VPS13B: variants seen among roughly 807,000 people sequenced by gnomAD.
The protein encoded by VPS13B is intermembrane lipid transfer protein VPS13B.
A neutral mutation model predicts 426.4 loss-of-function variants in VPS13B; 285 were observed. That is an observed-to-expected ratio of 0.67 (90% CI 0.61 to 0.74). VPS13B has a LOEUF of 0.74. Ranked by LOEUF, VPS13B falls within the 30% of genes least tolerant of loss-of-function variation. The pLI is 0.00. For missense variants in VPS13B, 4,537 were observed against 4,782.6 expected, an observed-to-expected ratio of 0.95 and a Z score of 1.51; for synonymous variants, 1,676 against 1,676.4, an observed-to-expected ratio of 1.00 and a Z score of 0.01.
chr8:99,232,662 T>G (rs1816403532), intron 17 of VPS13B, among the ~76,000 whole-genome samples: 1 of 152,158 alleles, frequency 6.6e-6, no homozygotes, highest in African/African-American at 2.4e-5. Flanking sequence ...TGTGCACACA[T>G]GTACAGAGAT....
chr8:99,303,747 A>AG (rs1486342611), intron 19 of VPS13B, among the ~76,000 whole-genome samples: 19 of 150,726 alleles, frequency 1.3e-4, no homozygotes, highest in Non-Finnish European at 1.3e-4. Context: ...AAAAAAAAAA[A>AG]AAAAGAATAT....
intron 19 of VPS13B, among the ~76,000 whole-genome samples, chr8:99,382,950 T>C (rs1222964615): frequency 6.6e-6 from 1 of 152,194 alleles, no homozygotes; most frequent in African/African-American, 2.4e-5. Flanking sequence ...ATATTTCCTA[T>C]ATGCTACGGG....
intron 2 of VPS13B, among the ~76,000 whole-genome samples, chr8:99,032,762 G>A (rs113459679): frequency 2.7e-5 from 4 of 150,796 alleles, no homozygotes; most frequent in Non-Finnish European, 3.0e-5. Context: ...GGATGGTCTC[G>A]ATCTCCTGAC....
intron 39 of VPS13B, among the ~76,000 whole-genome samples, chr8:99,726,515 G>A (rs985176549): frequency 6.6e-6 from 1 of 152,132 alleles, no homozygotes; most frequent in African/African-American, 2.4e-5. Flanking sequence ...TAGTAAAATT[G>A]GTAATGGGTA....
chr8:99,338,011 A>G (rs772702342), intron 19 of VPS13B, among the ~76,000 whole-genome samples: 8 of 152,252 alleles, frequency 5.3e-5, no homozygotes, highest in East Asian at 1.9e-4. Flanking sequence ...TAGACAACAT[A>G]TGCATGATTT....
chr8:99,433,381 G>T (rs900445440), intron 22 of VPS13B, among the ~76,000 whole-genome samples: 6 of 152,144 alleles, frequency 3.9e-5, no homozygotes, highest in African/African-American at 1.4e-4. Context: ...GACAGTAAAG[G>T]CCTGTTATAT....
chr8:99,301,813 G>C (rs557644788), intron 19 of VPS13B, among the ~76,000 whole-genome samples: 7 of 152,150 alleles, frequency 4.6e-5, no homozygotes, highest in African/African-American at 1.2e-4. Flanking sequence ...TTTAAATACA[G>C]ATGGGGTCTC....
intron 4 of VPS13B, among the ~76,000 whole-genome samples, chr8:99,099,866 TAAG>T (rs1846634091): frequency 6.6e-6 from 1 of 152,162 alleles, no homozygotes; most frequent in Non-Finnish European, 1.5e-5. Context: ...AGGTAGATAA[TAAG>T]AATTTCTGGA....
intron 44 of VPS13B, among the ~76,000 whole-genome samples, chr8:99,816,073 A>T (rs1203634697): frequency 6.9e-6 from 1 of 145,974 alleles, no homozygotes; most frequent in Non-Finnish European, 1.5e-5. Flanking sequence ...CTTGGCCTCT[A>T]CCAGGCCCCC....
chr8:99,701,780 A>G (rs1006704326), intron 36 of VPS13B, among the ~76,000 whole-genome samples: 4 of 152,188 alleles, frequency 2.6e-5, no homozygotes, highest in African/African-American at 9.6e-5. Context: ...TTATGAGACT[A>G]TAATGAACAC....
intron 34 of VPS13B, among the ~76,000 whole-genome samples, chr8:99,642,735 A>T (rs1336043275): frequency 6.6e-6 from 1 of 152,186 alleles, no homozygotes; most frequent in Non-Finnish European, 1.5e-5. Context: ...CCAGGAACTG[A>T]ATGAATCAGG....
chr8:99,301,299 C>CTTT (rs772725181), intron 19 of VPS13B, among the ~76,000 whole-genome samples: 4 of 141,742 alleles, frequency 2.8e-5, no homozygotes, highest in Admixed American at 1.4e-4. Flanking sequence ...TTCTTTCTTT[C>CTTT]TTTTTTTTTT....
At chr8:99,659,007 A>AT (rs1195524889) in intron 34 of VPS13B, among the ~76,000 whole-genome samples, 14 of 151,436 alleles carry the variant, frequency 9.2e-5, no homozygotes, top group East Asian at 1.9e-4. Flanking sequence ...ATTTTTTTGT[A>AT]TTTTTTTTGT....
At chr8:99,025,373 A>G (rs1321408745) in intron 2 of VPS13B, among the ~76,000 whole-genome samples, 7 of 152,138 alleles carry the variant, frequency 4.6e-5, no homozygotes, top group Admixed American at 3.9e-4. Flanking sequence ...CAGTTCTTAG[A>G]GGAAAAGCTT....
At chr8:99,208,363 T>C (rs1398604184) in intron 17 of VPS13B, among the ~76,000 whole-genome samples, 2 of 152,194 alleles carry the variant, frequency 1.3e-5, no homozygotes, top group Non-Finnish European at 2.9e-5. Context: ...TTAAGACTTC[T>C]TTTCTTTCTT....
intron 16 of VPS13B, among the ~76,000 whole-genome samples, chr8:99,176,053 CTG>C (rs1812611864): frequency 6.6e-6 from 1 of 152,092 alleles, no homozygotes. Flanking sequence ...TACAGTATGA[CTG>C]TGTATTGCAA....
chr8:99,173,632 C>A (rs1208555905), intron 16 of VPS13B, among the ~76,000 whole-genome samples: 1 of 152,146 alleles, frequency 6.6e-6, no homozygotes, highest in South Asian at 2.1e-4. Context: ...AACTACTAAG[C>A]CTTAAATGGG....
At chr8:99,769,968 G>A (rs928618071) in intron 40 of VPS13B, among the ~76,000 whole-genome samples, 2 of 152,058 alleles carry the variant, frequency 1.3e-5, no homozygotes, top group Admixed American at 1.3e-4. Context: ...AGACCAGACT[G>A]GGCAATAGTG....
chr8:99,636,598 A>G (rs1390618279), intron 33 of VPS13B, among the ~76,000 whole-genome samples: 1 of 152,004 alleles, frequency 6.6e-6, no homozygotes, highest in Non-Finnish European at 1.5e-5. Context: ...TTAGTTGGAA[A>G]GTACAGGGAT....
Sources: gnomAD v4.1 joint callset for allele counts (sites outside exome capture counted in the v4.1 genomes callset) on GRCh38, gnomAD v4.1.1 for gene constraint, MANE v1.5 for transcripts, NCBI Gene and HGNC (gene_info 2026-07-23, HGNC 2026-07-21) for gene names.